The following STAG1 variants were observed in gnomAD, a reference collection of about 807,000 sequenced individuals.
The protein encoded by STAG1 is cohesin subunit SA-1.
A neutral mutation model predicts 170.9 loss-of-function variants in STAG1; 26 were observed. The observed-to-expected ratio is 0.15, with a 90% CI of 0.11 to 0.21. The LOEUF (loss-of-function observed/expected upper bound fraction) is 0.21, where lower values mean the gene tolerates loss of function less well. STAG1 is among the 10% of genes least tolerant of loss of function. STAG1 has a pLI of 1.00. For missense variants in STAG1, 964 were observed against 1,509.5 expected (o/e 0.64, Z 5.99); for synonymous variants, 514 against 497.7 (o/e 1.03, Z -0.44).
At chr3:136,647,814 C>T (rs1204087475) in intron 1 of STAG1, among the ~76,000 whole-genome samples, 1 of 152,128 alleles carries the variant, frequency 6.6e-6, no homozygotes, top group Non-Finnish European at 1.5e-5. Flanking sequence ...ATTGCTTCTA[C>T]CTTCTCATTT....
At chr3:136,475,033 C>A (rs909115145) in intron 10 of STAG1, among the ~76,000 whole-genome samples, 5 of 152,078 alleles carry the variant, frequency 3.3e-5, no homozygotes, top group African/African-American at 1.2e-4. Flanking sequence ...ATTTACTCTC[C>A]CAATCTCCCT....
At chr3:136,479,060 C>CTTTTTTTTTTTTTTTATTTTTT (rs2089844968) in intron 9 of STAG1, among the ~76,000 whole-genome samples, 1 of 125,174 alleles carries the variant, frequency 8.0e-6, no homozygotes, top group Non-Finnish European at 1.6e-5. Context: ...TATAATCTTT[C>CTTTTTTTTTTTTTTTATTTTTT]TTTTTTTTTT....
At chr3:136,536,815 T>C (rs911324975) in intron 6 of STAG1, among the ~76,000 whole-genome samples, 1 of 152,138 alleles carries the variant, frequency 6.6e-6, no homozygotes, top group African/African-American at 2.4e-5. Context: ...CTTAACCCTT[T>C]TGTGCCCCAA....
At chr3:136,371,184 T>C (rs956052674) in intron 23 of STAG1, among the ~76,000 whole-genome samples, 2 of 152,272 alleles carry the variant, frequency 1.3e-5, no homozygotes, top group African/African-American at 4.8e-5. Flanking sequence ...TTCATATCCT[T>C]TGTCCACTTT....
chr3:136,699,919 T>A (rs564897719), intron 1 of STAG1, among the ~76,000 whole-genome samples: 74 of 152,166 alleles, frequency 4.9e-4, no homozygotes, highest in Non-Finnish European at 3.2e-4. Context: ...CAAGCAGGTT[T>A]GATACATCCG....
intron 4 of STAG1, among the ~76,000 whole-genome samples, chr3:136,579,232 C>G (rs1236094262): frequency 6.6e-6 from 1 of 152,216 alleles, no homozygotes; most frequent in Admixed American, 6.5e-5. Context: ...AAGAACCACT[C>G]AAAGCAAGTT....
At chr3:136,649,087 TC>T in intron 1 of STAG1, among the ~76,000 whole-genome samples, 1 of 152,336 alleles carries the variant, frequency 6.6e-6, no homozygotes, top group Middle Eastern at 3.4e-3. Context: ...TACTTGTAGT[TC>T]ATCCCAAATA....
chr3:136,750,362 A>C (rs755091131), intron 1 of STAG1, among the ~76,000 whole-genome samples: 8 of 152,260 alleles, frequency 5.3e-5, no homozygotes, highest in Admixed American at 2.0e-4. Flanking sequence ...AACACCCTGA[A>C]CACCACAAAC....
intron 3 of STAG1, among the ~76,000 whole-genome samples, chr3:136,616,095 C>T (rs1418764640): frequency 6.6e-5 from 10 of 151,838 alleles, no homozygotes; most frequent in South Asian, 2.1e-4. Context: ...GGTGAAACCC[C>T]GTCTCTACTA....
At chr3:136,634,953 A>G (rs1015843374) in intron 1 of STAG1, among the ~76,000 whole-genome samples, 19 of 152,306 alleles carry the variant, frequency 1.2e-4, no homozygotes, top group African/African-American at 4.3e-4. Context: ...AAAAACACAA[A>G]AAATGTGAAA....
chr3:136,365,470 T>C (rs985233374), intron 25 of STAG1, among the ~76,000 whole-genome samples: 7 of 152,098 alleles, frequency 4.6e-5, no homozygotes, highest in Admixed American at 2.0e-4. Context: ...ATAGTTCTGA[T>C]TTTCCAAAAG....
chr3:136,615,391 G>A (rs1939535323), intron 3 of STAG1, among the ~76,000 whole-genome samples: 1 of 124,582 alleles, frequency 8.0e-6, no homozygotes, highest in African/African-American at 3.0e-5. Flanking sequence ...TCGTGTCACT[G>A]CACTCCAGCC....
chr3:136,581,775 A>AT, intron 4 of STAG1, among the ~76,000 whole-genome samples: 1 of 152,254 alleles, frequency 6.6e-6, no homozygotes, highest in Non-Finnish European at 1.5e-5. Context: ...AAAAAATGGA[A>AT]TTTTTTTATG....
chr3:136,503,275 G>A (rs1354788529), intron 7 of STAG1, among the ~76,000 whole-genome samples: 2 of 152,092 alleles, frequency 1.3e-5, no homozygotes, highest in Non-Finnish European at 2.9e-5. Context: ...TCAGAGAGTT[G>A]CACAACCTCC....
intron 6 of STAG1, among the ~76,000 whole-genome samples, chr3:136,526,294 A>G (rs1383409102): frequency 6.6e-6 from 1 of 152,164 alleles, no homozygotes; most frequent in Non-Finnish European, 1.5e-5. Context: ...TTGGGTGAAT[A>G]TATATTTAGG....
At chr3:136,739,757 G>A (rs1425518784) in intron 1 of STAG1, among the ~76,000 whole-genome samples, 1 of 151,924 alleles carries the variant, frequency 6.6e-6, no homozygotes, top group Admixed American at 6.6e-5. Flanking sequence ...CTAGGAGGCA[G>A]AGGTTGCAGT....
At position 136,529,178 on chromosome 3, in the gene STAG1, A is replaced by G. The variant is rs77824345; in HGVS notation, c.472-7761T>C. On this transcript the variant is annotated intron_variant, in intron 6 of 33. Transcript: ENST00000383202. ...TATATGAAATACCACAGAGCACCCA[A>G]ATGTTCAATTTGGGGTCCCAGAAGG... Among the ~76,000 whole-genome samples the G allele has an allele frequency of 7.5e-3, 1,136 of 152,218 alleles. 17 individuals carry two copies. The highest frequency in any genetic ancestry group is 0.026 in the African/African-American group (1,083 of 41,538).
intron 7 of STAG1, among the ~76,000 whole-genome samples, chr3:136,503,309 C>T (rs573831472): frequency 2.1e-4 from 32 of 152,280 alleles, no homozygotes; most frequent in African/African-American, 7.5e-4. Flanking sequence ...CATACTAATC[C>T]TACCAAACTC....
intron 1 of STAG1, among the ~76,000 whole-genome samples, chr3:136,654,294 G>C (rs1941304647): frequency 6.6e-6 from 1 of 152,036 alleles, no homozygotes; most frequent in Non-Finnish European, 1.5e-5. Context: ...CCAAGTAGCA[G>C]GATACAAAGT....
Sources: allele counts gnomAD v4.1 joint callset (sites outside exome capture counted in the v4.1 genomes callset), GRCh38; gene constraint gnomAD v4.1.1; transcripts MANE v1.5; gene names NCBI Gene and HGNC (gene_info 2026-07-23, HGNC 2026-07-21).